The following SDK2 variants were observed in gnomAD, a reference collection of about 807,000 sequenced individuals.
The protein encoded by SDK2 is sidekick cell adhesion molecule 2, also known as protein sidekick-2.
Under a neutral mutation model 253.9 loss-of-function variants are expected in SDK2, and 105 were observed. The ratio of observed to expected loss-of-function variants is 0.41; its 90% CI spans 0.35 to 0.49. The LOEUF (loss-of-function observed/expected upper bound fraction) is 0.49. Ranked by LOEUF, SDK2 falls within the 20% of genes least tolerant of loss-of-function variation. The pLI is 0.06. For synonymous variants in SDK2, 1,249 were observed against 1,234.9 expected (o/e 1.01, Z -0.24); for missense variants, 2,608 against 3,003.0 (o/e 0.87, Z 3.07).
In SDK2 at chr17:73,643,677, G is replaced by T. The variant is rs1329941894; in HGVS notation, c.64+348C>A. Among the ~76,000 whole-genome samples, 3 of 152,098 alleles carry T rather than the reference G, an allele frequency of 2.0e-5. No homozygotes were observed. The highest frequency in any genetic ancestry group is 2.1e-4 in the South Asian group (1 of 4,830). ...TCTGGGAAGCTCAGCGTAGCCGAGC[G>T]TGGAGCCCGGCACGGAATGTCGCTC... On this transcript the variant is annotated intron_variant, in intron 1 of 44. Transcript: ENST00000392650. The surrounding 1 kb of genome is among the most constrained non-coding windows in gnomAD (Gnocchi z 6.9).
At position 73,421,913 on chromosome 17, in the gene SDK2, G is replaced by A. The variant is rs114390066; in HGVS notation, c.2045+374C>T. 9.3e-3 allele frequency among the ~76,000 whole-genome samples: 1,415 copies of A among 152,178 alleles called. 16 individuals carry two copies. The highest frequency in any genetic ancestry group is 0.029 in the African/African-American group (1,193 of 41,506). ...GGGAACCCTAGCAGGGCCTGGCGTC[G>A]TGCAAGACATGGATATGGAGATCTG... is the stretch of plus-strand genomic sequence containing the variant. On this transcript the variant is annotated intron_variant, in intron 15 of 44. Coordinates refer to ENST00000392650, the MANE Select transcript of SDK2 (RefSeq NM_001144952.2).
chr17:73,345,259 C>A (rs1223358434), intron 44 of SDK2, among the ~76,000 whole-genome samples: 1 of 151,434 alleles, frequency 6.6e-6, no homozygotes. Context: ...GCAGAGATTG[C>A]AGTGAGCTGA....
At chr17:73,500,002 C>G (rs1254855365) in intron 2 of SDK2, among the ~76,000 whole-genome samples, 1 of 152,018 alleles carries the variant, frequency 6.6e-6, no homozygotes, top group Non-Finnish European at 1.5e-5. Flanking sequence ...CAAGGTGGGA[C>G]AAAATCATCT....
Position 73,380,964 on chromosome 17 carries a change from GT to G in SDK2, c.4706-15del. On this transcript the variant is annotated splice_polypyrimidine_tract_variant and intron_variant, in intron 33 of 44. Coordinates refer to ENST00000392650, the MANE Select transcript of SDK2 (RefSeq NM_001144952.2). ...TGGAGTACATGGCTATGGGGTGGGG[GT>G]GCCGGGGCGGGGGCGCAGAGGGAGA... 2.7e-6 allele frequency: 4 copies of G among 1,479,416 alleles called. No individual in the cohort carries two copies. The highest frequency in any genetic ancestry group is 3.7e-6 in the Non-Finnish European group (4 of 1,080,922). 91.6% of individuals were successfully genotyped at this position (1,479,416 alleles called of 1,614,324 possible). A position where few individuals can be genotyped will look rare whatever the true frequency, so the allele number is the denominator to read the frequency against.
At chr17:73,448,395 C>T (rs1004839718) in intron 4 of SDK2, among the ~76,000 whole-genome samples, 5 of 151,842 alleles carry the variant, frequency 3.3e-5, no homozygotes, top group Admixed American at 1.3e-4. Flanking sequence ...GAGACAGTCT[C>T]GATCTGTTGC....
intron 1 of SDK2, among the ~76,000 whole-genome samples, chr17:73,552,551 G>A (rs1021974737): frequency 1.3e-5 from 2 of 152,116 alleles, no homozygotes; most frequent in African/African-American, 4.8e-5. Flanking sequence ...GTACTCGGCC[G>A]GAGTACCCAT....
chr17:73,339,258 C>G (rs967788725), intron 44 of SDK2, among the ~76,000 whole-genome samples: 3 of 139,766 alleles, frequency 2.1e-5, no homozygotes, highest in African/African-American at 7.8e-5. Context: ...GAGACAGAAT[C>G]TCGCTGTTGC....
At chr17:73,474,180 T>A (rs151254706) in intron 2 of SDK2, among the ~76,000 whole-genome samples, 2 of 152,168 alleles carry the variant, frequency 1.3e-5, no homozygotes, top group Admixed American at 6.5e-5. Context: ...TTTTAACAAA[T>A]TTTTAAACTT....
At chr17:73,559,330 T>C (rs1396503378) in intron 1 of SDK2, among the ~76,000 whole-genome samples, 1 of 152,176 alleles carries the variant, frequency 6.6e-6, no homozygotes, top group Non-Finnish European at 1.5e-5. Context: ...ACATGTGCCA[T>C]GGAGTGGCAA....
At chr17:73,376,609 G>A (rs2062783378) in intron 36 of SDK2, among the ~76,000 whole-genome samples, 1 of 152,090 alleles carries the variant, frequency 6.6e-6, no homozygotes, top group African/African-American at 2.4e-5. Context: ...TCTGGAGCAT[G>A]TAGGCCTCTG....
chr17:73,373,612 G>A (rs187973695), intron 36 of SDK2, among the ~76,000 whole-genome samples: 12 of 152,254 alleles, frequency 7.9e-5, no homozygotes, highest in African/African-American at 2.6e-4. Flanking sequence ...GATGCTGAGC[G>A]ATGTTGAACA....
At chr17:73,440,743 TG>T in intron 6 of SDK2, 68 bp downstream of exon 6, 2 of 1,176,080 alleles carry the variant, frequency 1.7e-6, no homozygotes, top group Non-Finnish European at 2.5e-6. Flanking sequence ...CTGCTCTCCC[TG>T]GAGCCCGCAG....
rs145110409 is a variant in SDK2, at chr17:73,385,540, C to A, written c.4569+307G>T. Among the ~76,000 whole-genome samples, 106 of 152,284 alleles carry A rather than the reference C, an allele frequency of 7.0e-4. 1 individual carries two copies. The East Asian group carries it at 0.019, about 28-fold the overall frequency. On this transcript the variant is annotated intron_variant, in intron 32 of 44. Coordinates refer to ENST00000392650, the MANE Select transcript of SDK2 (RefSeq NM_001144952.2). ...GCCCTGCCACTCACTGGCTATGTGA[C>A]CTGGGGCCATTCGGGTCCCCTCCCT...
In SDK2 at chr17:73,496,155, G is replaced by C. The variant is rs940330413; in HGVS notation, c.224+11283C>G. Among the ~76,000 whole-genome samples, 7 of 152,180 alleles carry C rather than the reference G, an allele frequency of 4.6e-5. No individual in the cohort carries two copies. Among genetic ancestry groups the C allele is most frequent in the Non-Finnish European group, 1.0e-4 (7 of 68,024 alleles). Reference sequence around the variant, plus strand: ...GGTGGGAGTCAGCGTCATGCCCTTGGTGGCTCTCAGACCATCCTTTCCATT... The same window carrying C: ...GGTGGGAGTCAGCGTCATGCCCTTGCTGGCTCTCAGACCATCCTTTCCATT... On this transcript the variant is annotated intron_variant, in intron 2 of 44. Transcript: ENST00000392650. This position sits in a 1 kb window ranked among gnomAD's most constrained non-coding sequence, Gnocchi z 4.7.
In SDK2 at chr17:73,583,598, G is replaced by A. The variant is rs537339854; in HGVS notation, c.64+60427C>T. 3.3e-5 allele frequency among the ~76,000 whole-genome samples: 5 copies of A among 152,352 alleles called. No homozygotes were observed. In the East Asian group the frequency reaches 5.8e-4, roughly 18 times the overall value. On this transcript the variant is annotated intron_variant, in intron 1 of 44. Coordinates refer to ENST00000392650, the MANE Select transcript of SDK2 (RefSeq NM_001144952.2). ...AGTTAGAAGGGCCACCCTGTGCGGT[G>A]TGCCCTGGCTGTGATGACAGTCCCC...
intron 30 of SDK2, among the ~76,000 whole-genome samples, chr17:73,387,111 C>G (rs2062878918): frequency 1.3e-5 from 2 of 152,204 alleles, no homozygotes; most frequent in African/African-American, 4.8e-5. Flanking sequence ...CAGGCATGTG[C>G]TACCACACCT....
At chr17:73,369,324 C>T (rs916361559) in intron 36 of SDK2, 2 of 310,032 alleles carry the variant, frequency 6.5e-6, no homozygotes, top group Non-Finnish European at 1.4e-5. Context: ...GTGAGGGATG[C>T]AGAGTCTCAG....
At chr17:73,574,470 T>C (rs2045431088) in intron 1 of SDK2, among the ~76,000 whole-genome samples, 1 of 152,058 alleles carries the variant, frequency 6.6e-6, no homozygotes, top group East Asian at 1.9e-4. Context: ...CACGCCTCGC[T>C]GATCAGCCTT....
At chr17:73,595,290 A>G (rs1162648861) in intron 1 of SDK2, among the ~76,000 whole-genome samples, 1 of 152,042 alleles carries the variant, frequency 6.6e-6, no homozygotes, top group Non-Finnish European at 1.5e-5. Context: ...TGTGTCGGAG[A>G]GACAGAGAAA....
Sources: allele counts gnomAD v4.1 joint callset (sites outside exome capture counted in the v4.1 genomes callset), GRCh38; gene constraint gnomAD v4.1.1; non-coding constraint Gnocchi (gnomAD v3.1); transcripts MANE v1.5; gene names NCBI Gene and HGNC (gene_info 2026-07-23, HGNC 2026-07-21).